Variants in DLG2 observed in about 807,000 individuals in gnomAD.
The protein encoded by DLG2 is discs large MAGUK scaffold protein 2.
In DLG2, 45 loss-of-function variants were observed where a neutral mutation model predicts 132.5. The ratio of observed to expected loss-of-function variants is 0.34; its 90% confidence interval spans 0.27 to 0.44. The LOEUF (loss-of-function observed/expected upper bound fraction) is 0.44, where lower values mean the gene tolerates loss of function less well. Among genes scored for constraint, DLG2 ranks in the 20% least tolerant of loss-of-function variants. The pLI is 1.00. For synonymous variants in DLG2, 424 were observed against 419.6 expected (o/e 1.01, Z -0.13); for missense variants, 1,045 against 1,196.9 (o/e 0.87, Z 1.87).
chr11:85,052,743 C>A (rs984354351), intron 6 of DLG2, among the ~76,000 whole-genome samples: 1 of 152,154 alleles, frequency 6.6e-6, no homozygotes, highest in African/African-American at 2.4e-5. Flanking sequence ...AATATGCAAG[C>A]CTTCCCGTTA....
chr11:84,722,670 C>A (rs2061965305), intron 6 of DLG2, among the ~76,000 whole-genome samples: 1 of 152,110 alleles, frequency 6.6e-6, no homozygotes, highest in Non-Finnish European at 1.5e-5. Flanking sequence ...AATGCAAGTC[C>A]TCTTTATGAA....
At position 84,200,136 on chromosome 11, in the gene DLG2, G is replaced by A. The variant is rs546998981; in HGVS notation, c.574-36625C>T. Among the ~76,000 whole-genome samples the A allele has an allele frequency of 2.6e-5, 4 of 152,184 alleles. No homozygotes were observed. In the East Asian group the frequency reaches 7.7e-4, roughly 29 times the overall value. ...ATAATGCACAAGACAAACCAGTGAT[G>A]TCTTTGGAGTACTCGAAGGGAAGGA... On this transcript the variant is annotated intron_variant, in intron 8 of 27. Coordinates refer to ENST00000376104, the MANE Select transcript of DLG2 (RefSeq NM_001142699.3).
intron 3 of DLG2, among the ~76,000 whole-genome samples, chr11:85,493,709 A>T (rs1458726798): frequency 1.6e-5 from 2 of 126,722 alleles, no homozygotes; most frequent in African/African-American, 5.9e-5. Context: ...GGGAGAGAAA[A>T]GGAGGGGAGG....
intron 18 of DLG2, among the ~76,000 whole-genome samples, chr11:83,737,541 C>G (rs1430184579): frequency 6.6e-6 from 1 of 152,138 alleles, no homozygotes; most frequent in African/African-American, 2.4e-5. Context: ...CAAATATATT[C>G]GGTGGCAAGG....
In DLG2 at chr11:85,209,595, C is replaced by CT. The variant is rs60317922; in HGVS notation, c.187-54945dup. ...GGAGCACACTACCACACCCAGCTAACTTTTTTTTTTTTTTTTGTATGTTCA... is the reference window on the plus strand; with the variant it reads ...GGAGCACACTACCACACCCAGCTAACTTTTTTTTTTTTTTTTTGTATGTTCA... On this transcript the variant is annotated intron_variant, in intron 4 of 27. Transcript: ENST00000376104. Among the ~76,000 whole-genome samples, 61 of 116,926 alleles carry CT rather than the reference C, an allele frequency of 5.2e-4. 4 individuals carry two copies. Among genetic ancestry groups the CT allele is most frequent in the East Asian group, 2.5e-3 (10 of 3,960 alleles). The allele number at this position is 116,926 out of a possible 152,430, so 76.7% of individuals were successfully genotyped here. A position where few individuals can be genotyped will look rare whatever the true frequency, so the allele number is the denominator to read the frequency against.
At chr11:84,779,935 T>C (rs1400117701) in intron 6 of DLG2, among the ~76,000 whole-genome samples, 3 of 149,490 alleles carry the variant, frequency 2.0e-5, no homozygotes, top group Non-Finnish European at 4.4e-5. Flanking sequence ...GATTGTGATA[T>C]TCACAACCAA....
intron 6 of DLG2, among the ~76,000 whole-genome samples, chr11:84,842,203 A>G (rs2080786676): frequency 1.3e-5 from 2 of 152,002 alleles, no homozygotes; most frequent in Non-Finnish European, 2.9e-5. Context: ...TAAAGACACT[A>G]ACCAGGTTTC....
At chr11:83,854,487 T>G (rs911806449) in intron 16 of DLG2, among the ~76,000 whole-genome samples, 3 of 152,108 alleles carry the variant, frequency 2.0e-5, no homozygotes, top group Non-Finnish European at 4.4e-5. Flanking sequence ...CAAGACAGTA[T>G]GGTATTGGTG....
intron 4 of DLG2, among the ~76,000 whole-genome samples, chr11:85,284,541 C>A (rs1279216643): frequency 2.6e-5 from 4 of 151,816 alleles, no homozygotes; most frequent in African/African-American, 9.7e-5. Context: ...TTAAAAGTAT[C>A]CATTGACTTG....
intron 10 of DLG2, among the ~76,000 whole-genome samples, chr11:84,081,146 A>G (rs1361246404): frequency 6.6e-6 from 1 of 152,186 alleles, no homozygotes; most frequent in African/African-American, 2.4e-5. Context: ...TATTAGCAGT[A>G]TATTGTGGAT....
chr11:84,756,590 A>G (rs2066906110), intron 6 of DLG2, among the ~76,000 whole-genome samples: 1 of 152,236 alleles, frequency 6.6e-6, no homozygotes, highest in East Asian at 1.9e-4. Flanking sequence ...GGTTGTTAAG[A>G]GAATTAAATG....
chr11:84,218,550 A>C (rs2096871247), intron 8 of DLG2, among the ~76,000 whole-genome samples: 1 of 152,206 alleles, frequency 6.6e-6, no homozygotes, highest in South Asian at 2.1e-4. Context: ...TGCCTGAAGC[A>C]AGGCTTTTAA....
chr11:83,896,552 G>A (rs946286040), intron 15 of DLG2, among the ~76,000 whole-genome samples: 11 of 152,190 alleles, frequency 7.2e-5, no homozygotes, highest in Non-Finnish European at 1.3e-4. Context: ...GCTTGACCCC[G>A]TAAACAGGCA....
At chr11:83,605,739 G>A (rs2059243063) in intron 19 of DLG2, among the ~76,000 whole-genome samples, 1 of 152,190 alleles carries the variant, frequency 6.6e-6, no homozygotes, top group Non-Finnish European at 1.5e-5. Context: ...GACTGCAAAA[G>A]CCAGGTTTGT....
intron 7 of DLG2, among the ~76,000 whole-genome samples, chr11:84,328,138 A>G (rs1311430317): frequency 6.6e-6 from 1 of 152,196 alleles, no homozygotes; most frequent in African/African-American, 2.4e-5. Flanking sequence ...AGCATGTGCT[A>G]TCCCTTGCCC....
chr11:83,482,650 C>G (rs2093214155), intron 22 of DLG2, among the ~76,000 whole-genome samples: 1 of 151,916 alleles, frequency 6.6e-6, no homozygotes, highest in Admixed American at 6.6e-5. Context: ...TTAAACATTT[C>G]AAGCAGGATC....
At chr11:83,724,767 C>A in intron 18 of DLG2, 1 of 682,736 alleles carries the variant, frequency 1.5e-6, no homozygotes, top group Non-Finnish European at 2.7e-6. Context: ...GGAGGAGAAT[C>A]TGCTGCCCTC....
intron 4 of DLG2, among the ~76,000 whole-genome samples, chr11:85,155,310 G>C (rs975932016): frequency 2.0e-5 from 3 of 152,158 alleles, no homozygotes; most frequent in African/African-American, 7.2e-5. Context: ...TGCTGTTGTT[G>C]CAAGTAATTA....
chr11:84,538,186 A>G lies in DLG2; in HGVS notation c.358-3455T>C, dbSNP rs928386164. ...TGTGGCTGGCTGGCTGCAGCTTCTC[A>G]GTTTGAAACAGGGTCTGGAATACCA... On this transcript the variant is annotated intron_variant, in intron 6 of 27. Coordinates refer to ENST00000376104, the MANE Select transcript of DLG2 (RefSeq NM_001142699.3). Among the ~76,000 whole-genome samples, 4 of 152,178 alleles carry G rather than the reference A, an allele frequency of 2.6e-5. No individual in the cohort carries two copies. In the South Asian group the frequency reaches 8.3e-4, roughly 32 times the overall value.
Sources: gnomAD v4.1 joint callset for allele counts (sites outside exome capture counted in the v4.1 genomes callset) on GRCh38, gnomAD v4.1.1 for gene constraint, MANE v1.5 for transcripts, NCBI Gene and HGNC (gene_info 2026-07-23, HGNC 2026-07-21) for gene names.